Variants in NSD1 observed in about 807,000 individuals in gnomAD.
NSD1 encodes the protein nuclear receptor binding SET domain protein 1.
NSD1 carries 26 observed loss-of-function variants against 242.7 expected under a neutral mutation model. The observed-to-expected ratio is 0.11, with a 90% CI of 0.08 to 0.15. NSD1 has a LOEUF of 0.15. Among genes scored for constraint, NSD1 ranks in the 10% least tolerant of loss-of-function variants. The pLI is 1.00. For synonymous variants in NSD1, 1,106 were observed against 1,178.1 expected (o/e 0.94, Z 1.25); for missense variants, 2,495 against 3,272.8 (o/e 0.76, Z 5.80).
Position 177,202,093 on chromosome 5 carries a change from G to C in NSD1, c.1064-2027G>C, listed in dbSNP as rs184571096. Among the ~76,000 whole-genome samples the C allele has an allele frequency of 3.2e-3, 480 of 151,850 alleles. 3 individuals carry two copies. Among genetic ancestry groups the C allele is most frequent in the African/African-American group, 0.011 (446 of 41,470 alleles). ...TGAGGCGGGAGAATCGCTTGAACCT[G>C]GGAGGCAGAGGTTGCAGTGAGCCAA... On this transcript the variant is annotated intron_variant, in intron 3 of 22. Transcript: ENST00000439151.
intron 2 of NSD1, among the ~76,000 whole-genome samples, chr5:177,176,852 T>C (rs1383944271): frequency 6.6e-6 from 1 of 152,190 alleles, no homozygotes; most frequent in African/African-American, 2.4e-5. Flanking sequence ...TCTAGAGTTC[T>C]GGAGGAGTGG....
chr5:177,177,345 T>C (rs1760289906), intron 2 of NSD1, among the ~76,000 whole-genome samples: 1 of 151,966 alleles, frequency 6.6e-6, no homozygotes, highest in Admixed American at 6.6e-5. Context: ...TGAAACCCCC[T>C]CTCTACTAAA....
At position 177,295,121 on chromosome 5, in the gene NSD1, G is replaced by A. The variant is rs140839289; in HGVS notation, c.7753G>A (p.Gly2585Arg). The change falls in exon 23 of 23, where the codon GGA becomes AGA. Residue 2585 changes from glycine to arginine, a missense_variant. Gly to Arg is a moderately radical substitution (Grantham distance 125). This residue lies in a region of NSD1 where 475 missense variants were observed against 563.7 expected (regional missense o/e 0.84). Transcript: ENST00000439151. The surrounding 1 kb of genome is among the most constrained non-coding windows in gnomAD (Gnocchi z 4.3). ...GLVKQAKQMV[G>R]GQQLPALAAK... ...GGTGAAGCAGGCGAAGCAGATGGTC[G>A]GAGGCCAGCAACTACCTGCACTTGC... 8 of 1,613,126 alleles carry A rather than the reference G, an allele frequency of 5.0e-6. No homozygotes were observed. In the East Asian group the frequency reaches 6.7e-5, roughly 13 times the overall value.
In NSD1 at chr5:177,134,684, G is replaced by C. The variant is rs1346527927; in HGVS notation, c.-17-403G>C. ...AAGGGGGGGGTACCTTTTTGTGCAGGGTCCAGGAGCCCCCCTCGGACCCCG... is the reference window on the plus strand; with the variant it reads ...AAGGGGGGGGTACCTTTTTGTGCAGCGTCCAGGAGCCCCCCTCGGACCCCG... On this transcript the variant is annotated intron_variant, in intron 1 of 22. Coordinates refer to ENST00000439151, the MANE Select transcript of NSD1 (RefSeq NM_022455.5). The surrounding 1 kb of genome is among the most constrained non-coding windows in gnomAD (Gnocchi z 4.2). Among the ~76,000 whole-genome samples the C allele has an allele frequency of 7.2e-5, 11 of 152,200 alleles. No individual in the cohort carries two copies. Among genetic ancestry groups the C allele is most frequent in the African/African-American group, 2.7e-4 (11 of 41,448 alleles).
intron 6 of NSD1, among the ~76,000 whole-genome samples, chr5:177,236,617 G>A (rs1006925470): frequency 6.6e-6 from 1 of 152,008 alleles, no homozygotes; most frequent in African/African-American, 2.4e-5. Flanking sequence ...GACATATAAA[G>A]TCATCTACTT....
intron 2 of NSD1, among the ~76,000 whole-genome samples, chr5:177,143,149 GCCTT>G (rs1304015052): frequency 6.6e-6 from 1 of 152,138 alleles, no homozygotes; most frequent in African/African-American, 2.4e-5. Flanking sequence ...TGGATTGTCA[GCCTT>G]CATCATTTTC....
Position 177,212,319 on chromosome 5 carries a change from C to T in NSD1, c.3796+124C>T, listed in dbSNP as rs892825306. ...ATAAACTAGCGGGGAAGAATCATCA[C>T]TTCAATGAAGAAGGAGTTTTATGTA... On this transcript the variant is annotated intron_variant, in intron 5 of 22. Coordinates refer to ENST00000439151, the MANE Select transcript of NSD1 (RefSeq NM_022455.5). 1.2e-5 allele frequency: 11 copies of T among 923,486 alleles called. No individual in the cohort carries two copies. In the African/African-American group the frequency reaches 1.8e-4, roughly 15 times the overall value. 57.2% of individuals were successfully genotyped at this position (923,486 alleles called of 1,614,324 possible).
chr5:177,194,602 T>TAA (rs372572346), intron 3 of NSD1, among the ~76,000 whole-genome samples: 139 of 135,318 alleles, frequency 1.0e-3, no homozygotes, highest in African/African-American at 2.0e-3. Context: ...TTTTTTTTTT[T>TAA]AAAAAGGATG....
rs1051169695 is a variant in NSD1, at chr5:177,294,724, T to A, written c.7356T>A (p.Ala2452=). ...AGAATACTCAGTCAAAAAATAGAGC[T>A]GCTTTGGTGATGGATCTCATAGACC... The part of the protein sequence containing the change: ...VDQNTQSKNR[A]ALVMDLIDLT... The change falls in exon 23 of 23, where the codon GCT becomes GCA. Residue 2452 remains alanine (A), a synonymous_variant. Transcript: ENST00000439151. 1.2e-6 allele frequency: 2 copies of A among 1,614,196 alleles called. No homozygotes were observed. The highest frequency in any genetic ancestry group is 1.7e-6 in the Non-Finnish European group (2 of 1,180,038).
At chr5:177,286,152 GCGCCCGGCCTGT>G (rs1759309698) in intron 20 of NSD1, among the ~76,000 whole-genome samples, 3 of 152,222 alleles carry the variant, frequency 2.0e-5, no homozygotes, top group African/African-American at 7.2e-5. Flanking sequence ...ATGAGCCACC[GCGCCCGGCCTGT>G]GTTTTAAATT....
At chr5:177,186,128 T>C (rs1761211363) in intron 2 of NSD1, among the ~76,000 whole-genome samples, 2 of 124,072 alleles carry the variant, frequency 1.6e-5, no homozygotes, top group Admixed American at 2.3e-4. Flanking sequence ...TTATATATAA[T>C]ATATATATGT....
At chr5:177,233,035 A>C (rs1765174965) in intron 5 of NSD1, among the ~76,000 whole-genome samples, 1 of 152,134 alleles carries the variant, frequency 6.6e-6, no homozygotes, top group African/African-American at 2.4e-5. Flanking sequence ...GATAGGCAAA[A>C]GCTTGTGTTC....
intron 14 of NSD1, among the ~76,000 whole-genome samples, chr5:177,263,633 G>A (rs1477453732): frequency 6.6e-6 from 1 of 152,192 alleles, no homozygotes; most frequent in East Asian, 1.9e-4. Context: ...TACACGTAAA[G>A]CAGTTTCTTT....
chr5:177,136,201 C>G (rs562577966), intron 2 of NSD1, 171 bp downstream of exon 2: 7 of 614,868 alleles, frequency 1.1e-5, no homozygotes, highest in Admixed American at 2.7e-5. Context: ...AAATTTATCT[C>G]TGTTGTATGA....
At chr5:177,263,849 CG>C (rs1398417891) in intron 14 of NSD1, among the ~76,000 whole-genome samples, 1 of 151,794 alleles carries the variant, frequency 6.6e-6, no homozygotes, top group East Asian at 1.9e-4. Flanking sequence ...AAAATAATGG[CG>C]AATGATAAAA....
At position 177,210,760 on chromosome 5, in the gene NSD1, C is replaced by G. The variant is rs766219977; in HGVS notation, c.2361C>G (p.Phe787Leu). 6.2e-7 allele frequency: 1 copy of G among 1,614,116 alleles called. No homozygotes were observed. The highest frequency in any genetic ancestry group is 8.5e-7 in the Non-Finnish European group (1 of 1,180,034). The change falls in exon 5 of 23, where the codon TTC (phenylalanine) becomes TTG (leucine). Residue 787 changes from phenylalanine to leucine, a missense_variant. By Grantham distance (22) the Phe-to-Leu change is conservative. Around this residue, in one of 19 missense-constraint regions of NSD1, gnomAD observed 515 missense variants for 467.0 expected, o/e 1.10. Transcript: ENST00000439151. ...LLHSKSKQPK[F>L]RSIKCKHKEN... ...ATTCGAAAAGCAAACAGCCCAAGTT[C>G]CGAAGTATAAAGTGCAAACACAAAG...
chr5:177,290,393 GAA>G (rs1220381926), intron 21 of NSD1, among the ~76,000 whole-genome samples: 8 of 149,464 alleles, frequency 5.4e-5, no homozygotes, highest in Non-Finnish European at 1.2e-4. Context: ...AAGCCAATAA[GAA>G]AAGAGTAAAT....
intron 2 of NSD1, among the ~76,000 whole-genome samples, chr5:177,162,919 C>T (rs1014637455): frequency 6.6e-6 from 1 of 152,116 alleles, no homozygotes; most frequent in Non-Finnish European, 1.5e-5. Context: ...CCTGCCTCGG[C>T]CTCCCAATGT....
chr5:177,136,074 A>G (rs1210528186), intron 2 of NSD1, 44 bp downstream of exon 2: 3 of 1,502,594 alleles, frequency 2.0e-6, no homozygotes, highest in South Asian at 1.1e-5. Context: ...ATATATGTAT[A>G]TATACAGGCC....
Sources: gnomAD v4.1 joint callset for allele counts (sites outside exome capture counted in the v4.1 genomes callset) on GRCh38, gnomAD v4.1.1 for gene constraint, gnomAD v4.1.1 regional missense constraint, Gnocchi (gnomAD v3.1) non-coding constraint, MANE v1.5 for transcripts, NCBI Gene and HGNC (gene_info 2026-07-23, HGNC 2026-07-21) for gene names.